Variants in ATP2C1 observed in about 807,000 individuals in gnomAD.
ATP2C1 encodes the protein calcium-transporting ATPase type 2C member 1.
Under a neutral mutation model 120.5 loss-of-function variants are expected in ATP2C1, and 31 were observed. That is an observed-to-expected ratio of 0.26 (90% CI 0.19 to 0.35). The LOEUF is 0.35. ATP2C1 is among the 10% of genes least tolerant of loss of function. The pLI is 1.00. For synonymous variants in ATP2C1, 351 were observed against 358.7 expected (o/e 0.98, Z 0.24); for missense variants, 731 against 1,107.5 (o/e 0.66, Z 4.83).
At chr3:130,967,984 A>G (rs1263656715) in intron 16 of ATP2C1, among the ~76,000 whole-genome samples, 3 of 152,186 alleles carry the variant, frequency 2.0e-5, no homozygotes, top group Non-Finnish European at 2.9e-5. Flanking sequence ...GAAACCTAGT[A>G]AGTCCAGCCT....
chr3:130,917,560 A>G (rs946732339), intron 2 of ATP2C1, among the ~76,000 whole-genome samples: 4 of 152,328 alleles, frequency 2.6e-5, no homozygotes, highest in African/African-American at 9.6e-5. Context: ...AAGATGTAAA[A>G]CTTTTGCTTT....
downstream of ATP2C1, among the ~76,000 whole-genome samples, chr3:131,004,993 C>T (rs1355858952): frequency 6.6e-6 from 1 of 151,096 alleles, no homozygotes; most frequent in South Asian, 2.1e-4. Flanking sequence ...CACAGAGGGT[C>T]AATTGTGAAG....
At chr3:130,957,385 A>C (rs1360154285) in intron 11 of ATP2C1, among the ~76,000 whole-genome samples, 2 of 152,048 alleles carry the variant, frequency 1.3e-5, no homozygotes, top group African/African-American at 4.8e-5. Flanking sequence ...TTTTTTACTC[A>C]AGTTAATTAT....
intron 20 of ATP2C1, among the ~76,000 whole-genome samples, chr3:130,982,763 T>C (rs34092799): frequency 0.17 from 25,246 of 152,186 alleles, 2,242 homozygotes; most frequent in Middle Eastern, 0.23. Context: ...GTCTATACTT[T>C]TTTGATTAGA....
At position 130,935,711 on chromosome 3, in the gene ATP2C1, A is replaced by G. The variant is rs148748962; in HGVS notation, c.324+1000A>G. ...GGTGAAACTGTTAGAGCCTTAGCAC[A>G]ATTCAGAGTAATGGCACCCAACTTT... On this transcript the variant is annotated intron_variant, in intron 5 of 27. Transcript: ENST00000510168. Among the ~76,000 whole-genome samples, 447 of 152,342 alleles carry G rather than the reference A, an allele frequency of 2.9e-3. 2 individuals are homozygous for G. Among genetic ancestry groups the G allele is most frequent in the African/African-American group, 0.01 (421 of 41,580 alleles).
intron 8 of ATP2C1, among the ~76,000 whole-genome samples, chr3:130,953,355 A>T (rs1311078606): frequency 6.6e-6 from 1 of 152,160 alleles, no homozygotes; most frequent in East Asian, 1.9e-4. Flanking sequence ...ATTTTATGAA[A>T]ATTGATTCCA....
rs2062892640 is a variant in ATP2C1 at position 131,001,687 on chromosome 3, A to T, written c.*337A>T. On this transcript the variant is annotated 3_prime_UTR_variant, in exon 28 of 28. Transcript: ENST00000510168. ...CAAATACACTATCTATCTTAGATAGATATATTTTTTTTTATTTTTAAATAT... is the reference window on the plus strand; with the variant it reads ...CAAATACACTATCTATCTTAGATAGTTATATTTTTTTTTATTTTTAAATAT... 2 of 973,308 alleles carry T rather than the reference A, an allele frequency of 2.1e-6. No individual in the cohort carries two copies. The highest frequency in any genetic ancestry group is 2.4e-6 in the Non-Finnish European group (2 of 817,688). 60.3% of individuals were successfully genotyped at this position (973,308 alleles called of 1,614,324 possible).
chr3:130,958,797 T>A (rs1337554096), intron 11 of ATP2C1, among the ~76,000 whole-genome samples: 1 of 152,220 alleles, frequency 6.6e-6, no homozygotes, highest in Non-Finnish European at 1.5e-5. Context: ...AGCCAAGTCG[T>A]AAGTGTCCCT....
chr3:130,867,033 A>T (rs2068200653), intron 1 of ATP2C1, among the ~76,000 whole-genome samples: 1 of 152,176 alleles, frequency 6.6e-6, no homozygotes, highest in African/African-American at 2.4e-5. Context: ...GACCTGTGGT[A>T]ATTTTTGATG....
At chr3:131,014,360 T>A (rs1016303106) in intron 26 of ATP2C1, 6 of 1,607,524 alleles carry the variant, frequency 3.7e-6, no homozygotes, top group Non-Finnish European at 5.1e-6. Flanking sequence ...GCTGGCATAG[T>A]CCGTGCACCA....
At chr3:130,954,508 C>T (rs990501996) in intron 9 of ATP2C1, among the ~76,000 whole-genome samples, 2 of 151,780 alleles carry the variant, frequency 1.3e-5, no homozygotes, top group Non-Finnish European at 2.9e-5. Flanking sequence ...TTTTTTGAGA[C>T]GGAGTCTCAC....
intron 2 of ATP2C1, among the ~76,000 whole-genome samples, chr3:130,929,454 T>C (rs977089583): frequency 6.6e-6 from 1 of 152,224 alleles, no homozygotes; most frequent in Non-Finnish European, 1.5e-5. Flanking sequence ...TAGGGAAATA[T>C]TTTATCCTAA....
At chr3:131,015,454 C>CTTCTT (rs2063573561) in intron 26 of ATP2C1, among the ~76,000 whole-genome samples, 1 of 152,194 alleles carries the variant, frequency 6.6e-6, no homozygotes, top group Admixed American at 6.5e-5. Flanking sequence ...GCTGCTGTCA[C>CTTCTT]TTCTTTTTAT....
intron 2 of ATP2C1, among the ~76,000 whole-genome samples, chr3:130,925,019 T>C (rs1376761047): frequency 1.3e-5 from 2 of 152,220 alleles, no homozygotes; most frequent in African/African-American, 4.8e-5. Context: ...TTCAGCTTTC[T>C]CTGGTGCCTC....
At chr3:130,894,037 C>A (rs921962413), upstream of ATP2C1, 12 of 986,256 alleles carry the variant, frequency 1.2e-5, no homozygotes, top group African/African-American at 3.5e-5. The surrounding 1 kb of genome is among the most constrained non-coding windows in gnomAD (Gnocchi z 4.5). Context: ...CGCGACTGGG[C>A]GGCCGGCGGC....
At chr3:130,909,770 C>T (rs1177035815) in intron 2 of ATP2C1, among the ~76,000 whole-genome samples, 1 of 152,068 alleles carries the variant, frequency 6.6e-6, no homozygotes, top group African/African-American at 2.4e-5. Context: ...CAACTTAACC[C>T]ATGTGTTTGT....
At chr3:130,879,103 C>A (rs1277349567) in intron 1 of ATP2C1, among the ~76,000 whole-genome samples, 1 of 152,168 alleles carries the variant, frequency 6.6e-6, no homozygotes. Flanking sequence ...GTTGCCCAGG[C>A]TGGATGCAAT....
At chr3:130,938,847 T>G (rs755511837) in intron 6 of ATP2C1, among the ~76,000 whole-genome samples, 41 of 152,350 alleles carry the variant, frequency 2.7e-4, no homozygotes, top group Non-Finnish European at 5.3e-4. Flanking sequence ...ATGGAAGACC[T>G]TAGTACCTTG....
intron 8 of ATP2C1, among the ~76,000 whole-genome samples, chr3:130,947,483 T>TG (rs1443335129): frequency 6.6e-6 from 1 of 152,192 alleles, no homozygotes; most frequent in African/African-American, 2.4e-5. Flanking sequence ...GCCACTGAAA[T>TG]ACATGTGCCT....
Sources: gnomAD v4.1 joint callset for allele counts (sites outside exome capture counted in the v4.1 genomes callset) on GRCh38, gnomAD v4.1.1 for gene constraint, Gnocchi (gnomAD v3.1) non-coding constraint, MANE v1.5 for transcripts, NCBI Gene and HGNC (gene_info 2026-07-23, HGNC 2026-07-21) for gene names.